CHD9: variants seen among roughly 807,000 people sequenced by gnomAD.
CHD9 encodes chromodomain helicase DNA binding protein 9.
In CHD9, 77 loss-of-function variants were observed where a neutral mutation model predicts 316.1. That is an observed-to-expected ratio of 0.24 (90% CI 0.20 to 0.29). CHD9 has a LOEUF of 0.29. CHD9 is among the 10% of genes least tolerant of loss of function. CHD9 has a pLI of 1.00. For missense variants in CHD9, 2,763 were observed against 3,438.1 expected (o/e 0.80, Z 4.91); for synonymous variants, 1,129 against 1,158.3 (o/e 0.97, Z 0.51).
chr16:53,056,972 G>A (rs958908150), intron 1 of CHD9, among the ~76,000 whole-genome samples: 1 of 151,500 alleles, frequency 6.6e-6, no homozygotes, highest in Non-Finnish European at 1.5e-5. Context: ...ACAGAGCAAG[G>A]CCCTGTTTGC....
At chr16:53,246,807 A>G (rs2049670902) in intron 15 of CHD9, among the ~76,000 whole-genome samples, 1 of 152,292 alleles carries the variant, frequency 6.6e-6, no homozygotes, top group East Asian at 1.9e-4. Context: ...TACAGGCACG[A>G]GCCACTGCAC....
chr16:53,317,465 T>C (rs1436595474), intron 36 of CHD9, among the ~76,000 whole-genome samples: 1 of 152,158 alleles, frequency 6.6e-6, no homozygotes, highest in Non-Finnish European at 1.5e-5. Flanking sequence ...AGTTTTTATT[T>C]TTATTGCTAG....
intron 2 of CHD9, among the ~76,000 whole-genome samples, chr16:53,184,251 C>CCCTA (rs35593971): frequency 6.6e-6 from 1 of 151,538 alleles, no homozygotes; most frequent in South Asian, 2.1e-4. Flanking sequence ...TTAATCTTAT[C>CCCTA]TCAATCACTA....
intron 2 of CHD9, among the ~76,000 whole-genome samples, chr16:53,206,207 C>T (rs1171679804): frequency 6.6e-6 from 1 of 152,054 alleles, no homozygotes; most frequent in African/African-American, 2.4e-5. Context: ...CCCACCTCGG[C>T]CTCCCAAAGT....
rs1309256090 is a variant in CHD9, at chr16:53,204,897, ACGGTG to A, written c.1453-4584_1453-4580del. On this transcript the variant is annotated intron_variant, in intron 2 of 38. Transcript: ENST00000447540. ...TTCGCTCTGTTGCCCAGGCTAGAGT[ACGGTG>A]GCATGATCTCAGCTGACTGCAACCT... 1.8e-3 allele frequency among the ~76,000 whole-genome samples: 276 copies of A among 152,204 alleles called. 2 individuals are homozygous for A. The highest frequency in any genetic ancestry group is 6.3e-3 in the African/African-American group (261 of 41,540).
intron 2 of CHD9, among the ~76,000 whole-genome samples, chr16:53,196,307 T>G (rs1377412407): frequency 6.6e-6 from 1 of 152,210 alleles, no homozygotes; most frequent in Admixed American, 6.5e-5. Context: ...GTTGCTCTTT[T>G]GTAACCAAAC....
At position 53,287,923 on chromosome 16, in the gene CHD9, A is replaced by G. The variant is rs779876756; in HGVS notation, c.5190-34A>G. Reference sequence around the variant, plus strand: ...TATCAAGTGAAATCTTAAGTCCATTACAGTAATTATAGCATTTGTTTGTAT... The same window carrying G: ...TATCAAGTGAAATCTTAAGTCCATTGCAGTAATTATAGCATTTGTTTGTAT... On this transcript the variant is annotated intron_variant, in intron 26 of 38. Transcript: ENST00000447540. 2.3e-5 allele frequency: 35 copies of G among 1,515,964 alleles called. No individual in the cohort carries two copies. In the South Asian group the frequency reaches 3.7e-4, roughly 16 times the overall value. 93.9% of individuals were successfully genotyped at this position (1,515,964 alleles called of 1,614,324 possible).
chr16:53,273,499 A>G, intron 22 of CHD9, 127 bp from the exon 23 acceptor site: 1 of 616,046 alleles, frequency 1.6e-6, no homozygotes, highest in East Asian at 2.8e-5. Context: ...CAGTATTGTT[A>G]CTAATATTTT....
In CHD9 at chr16:53,267,470, GA is replaced by G; in HGVS notation, c.4502del (p.Asn1501ThrfsTer3). The G allele has an allele frequency of 6.3e-7, 1 of 1,593,956 alleles. No homozygotes were observed. Among genetic ancestry groups the G allele is most frequent in the Non-Finnish European group, 8.5e-7 (1 of 1,171,006 alleles). On this transcript the variant is annotated frameshift_variant, in exon 21 of 39. Coordinates refer to ENST00000447540, the MANE Select transcript of CHD9 (RefSeq NM_001308319.2). LOFTEE classifies it high-confidence loss of function. Reference sequence around the variant, plus strand: ...GAAGAACTGAATGCTTTAGAGTTGAGAAAAACCTGCTAGTTTATGGGTAAAA... The same window carrying G: ...GAAGAACTGAATGCTTTAGAGTTGAGAAAACCTGCTAGTTTATGGGTAAAA... ...YGRTECFRVE[K>X]NLLVYGWGRW...
intron 2 of CHD9, among the ~76,000 whole-genome samples, chr16:53,178,427 C>CT (rs10569589): frequency 0.033 from 3,274 of 98,832 alleles, 70 homozygotes; most frequent in Middle Eastern, 0.042. Context: ...TTGTTGGTTT[C>CT]TTTTTTTTTT....
intron 1 of CHD9, among the ~76,000 whole-genome samples, chr16:53,097,860 CTG>C (rs1442713978): frequency 6.6e-6 from 1 of 152,228 alleles, no homozygotes; most frequent in Non-Finnish European, 1.5e-5. Context: ...GTGGCTCACA[CTG>C]TAATCCCAGC....
intron 26 of CHD9, 43 bp from the exon 27 acceptor site, chr16:53,287,914 A>G: frequency 6.9e-7 from 1 of 1,452,554 alleles, no homozygotes; most frequent in East Asian, 2.3e-5. Flanking sequence ...GTGAAATCTT[A>G]AGTCCATTAC....
At chr16:53,131,606 C>T (rs1446729179) in intron 1 of CHD9, among the ~76,000 whole-genome samples, 1 of 151,584 alleles carries the variant, frequency 6.6e-6, no homozygotes, top group Non-Finnish European at 1.5e-5. Flanking sequence ...GGCCGGGCGG[C>T]CAGGGCGTGG....
chr16:53,169,760 G>A (rs1336269505), intron 2 of CHD9, among the ~76,000 whole-genome samples: 1 of 152,036 alleles, frequency 6.6e-6, no homozygotes, highest in East Asian at 1.9e-4. Flanking sequence ...CCACAACCAA[G>A]AAATATAACA....
At chr16:53,181,913 C>G (rs535300007) in intron 2 of CHD9, among the ~76,000 whole-genome samples, 2 of 152,182 alleles carry the variant, frequency 1.3e-5, no homozygotes, top group African/African-American at 4.8e-5. Flanking sequence ...AACCCCAGCT[C>G]CATTAAAAGT....
At chr16:53,064,977 GAA>G (rs931287365) in intron 1 of CHD9, among the ~76,000 whole-genome samples, 11 of 151,394 alleles carry the variant, frequency 7.3e-5, no homozygotes, top group African/African-American at 2.2e-4. Flanking sequence ...AAGAAAGAAA[GAA>G]AGAGAGAGAG....
At chr16:53,181,379 TTGTCA>T (rs988874234) in intron 2 of CHD9, among the ~76,000 whole-genome samples, 8 of 152,124 alleles carry the variant, frequency 5.3e-5, no homozygotes, top group African/African-American at 1.4e-4. Flanking sequence ...TAAGTGAAAC[TTGTCA>T]TGTAAAGTTT....
chr16:53,129,757 GC>G (rs2039134552), intron 1 of CHD9, among the ~76,000 whole-genome samples: 1 of 152,200 alleles, frequency 6.6e-6, no homozygotes, highest in African/African-American at 2.4e-5. Context: ...CTTTTGTCTA[GC>G]TCACGTTTTC....
intron 36 of CHD9, among the ~76,000 whole-genome samples, chr16:53,317,871 C>T (rs8048169): frequency 0.31 from 47,150 of 151,512 alleles, 7,486 homozygotes; most frequent in Middle Eastern, 0.39. Flanking sequence ...CTGGGCAATG[C>T]GGCAAAACTT....
Sources: gnomAD v4.1 joint callset for allele counts (sites outside exome capture counted in the v4.1 genomes callset) on GRCh38, gnomAD v4.1.1 for gene constraint, MANE v1.5 for transcripts, NCBI Gene and HGNC (gene_info 2026-07-23, HGNC 2026-07-21) for gene names.